Variants in RALYL observed in about 807,000 individuals in gnomAD.
The protein encoded by RALYL is RALY RNA binding protein like, also known as RNA-binding Raly-like protein.
RALYL carries 29 observed loss-of-function variants against 35.1 expected under a neutral mutation model. That is an observed-to-expected ratio of 0.83 (90% CI 0.61 to 1.13). RALYL has a LOEUF of 1.13. RALYL is among the 50% of genes most tolerant of loss of function. RALYL has a pLI of 0.00. For synonymous variants in RALYL, 120 were observed against 127.6 expected, an observed-to-expected ratio of 0.94 and a Z score of 0.40; for missense variants, 359 against 360.4, an observed-to-expected ratio of 1.00 and a Z score of 0.03.
At chr8:84,813,043 G>A (rs1220010675) in intron 4 of RALYL, among the ~76,000 whole-genome samples, 1 of 152,170 alleles carries the variant, frequency 6.6e-6, no homozygotes, top group East Asian at 1.9e-4. Flanking sequence ...TGTGGTGCCA[G>A]GCAGGAATGG....
At chr8:84,444,552 A>T (rs776271028) in intron 1 of RALYL, among the ~76,000 whole-genome samples, 3 of 152,198 alleles carry the variant, frequency 2.0e-5, no homozygotes, top group Non-Finnish European at 4.4e-5. Flanking sequence ...CGCTAGATAC[A>T]TCATTCTAGC....
intron 1 of RALYL, among the ~76,000 whole-genome samples, chr8:84,487,755 A>G (rs2054812942): frequency 6.6e-6 from 1 of 152,082 alleles, no homozygotes; most frequent in African/African-American, 2.4e-5. Context: ...AAATACTTGC[A>G]AACCCCTTCT....
intron 2 of RALYL, among the ~76,000 whole-genome samples, chr8:84,766,938 A>C (rs542950375): frequency 2.0e-5 from 3 of 152,114 alleles, no homozygotes; most frequent in Non-Finnish European, 2.9e-5. Context: ...ACTGAGTGAA[A>C]TTATGACTGC....
intron 1 of RALYL, among the ~76,000 whole-genome samples, chr8:84,325,477 A>G (rs1020449120): frequency 6.6e-6 from 1 of 152,190 alleles, no homozygotes; most frequent in African/African-American, 2.4e-5. Context: ...CCCAGTGGCA[A>G]TGCCAATTCT....
chr8:84,211,610 C>T (rs11992301), intron 1 of RALYL, among the ~76,000 whole-genome samples: 6,909 of 152,114 alleles, frequency 0.045, 493 homozygotes, highest in African/African-American at 0.15. Context: ...TTGAAAATGG[C>T]TGTAAGGTTA....
chr8:84,462,277 T>G (rs2050890895), intron 1 of RALYL, among the ~76,000 whole-genome samples: 1 of 151,704 alleles, frequency 6.6e-6, no homozygotes, highest in Admixed American at 6.6e-5. Context: ...TTGTCCATGT[T>G]TTAATTAGAT....
chr8:84,443,337 C>G (rs1354394914), intron 1 of RALYL, among the ~76,000 whole-genome samples: 3 of 152,048 alleles, frequency 2.0e-5, no homozygotes, highest in African/African-American at 7.2e-5. Context: ...ACCCTAGTTA[C>G]GTAAAAAACT....
intron 1 of RALYL, among the ~76,000 whole-genome samples, chr8:84,333,867 G>A (rs1847279014): frequency 6.6e-6 from 1 of 152,008 alleles, no homozygotes; most frequent in African/African-American, 2.4e-5. Context: ...GGGGCAGCTT[G>A]AAAGAGTCTT....
At chr8:84,841,592 T>C (rs1275515297) in intron 4 of RALYL, among the ~76,000 whole-genome samples, 2 of 152,174 alleles carry the variant, frequency 1.3e-5, no homozygotes, top group Non-Finnish European at 2.9e-5. Context: ...ATCCAGGACC[T>C]GAACTCAGCT....
intron 4 of RALYL, among the ~76,000 whole-genome samples, chr8:84,844,692 C>A (rs1290535651): frequency 6.6e-6 from 1 of 152,008 alleles, no homozygotes; most frequent in Non-Finnish European, 1.5e-5. Context: ...CAGCACTATT[C>A]ACAATGGCAA....
At chr8:84,278,568 G>T (rs762975276) in intron 1 of RALYL, among the ~76,000 whole-genome samples, 1 of 152,062 alleles carries the variant, frequency 6.6e-6, no homozygotes, top group East Asian at 1.9e-4. Context: ...AAAATTCCAT[G>T]CCTTGCTTTC....
At chr8:84,841,108 C>T (rs1833201596) in intron 4 of RALYL, among the ~76,000 whole-genome samples, 1 of 152,152 alleles carries the variant, frequency 6.6e-6, no homozygotes, top group Admixed American at 6.5e-5. Context: ...ATCAAATTCA[C>T]ACATAACAAT....
chr8:84,859,705 T>A (rs989084026), intron 5 of RALYL, among the ~76,000 whole-genome samples: 1 of 151,890 alleles, frequency 6.6e-6, no homozygotes, highest in African/African-American at 2.4e-5. Flanking sequence ...CAAAAAAATT[T>A]ATCCAGGCAC....
At chr8:84,463,716 T>G (rs897368908) in intron 1 of RALYL, among the ~76,000 whole-genome samples, 3 of 152,090 alleles carry the variant, frequency 2.0e-5, no homozygotes, top group Non-Finnish European at 2.9e-5. Flanking sequence ...TTTGAGAGAT[T>G]AACATTGAAA....
chr8:84,563,724 T>C (rs1050499231), intron 2 of RALYL, among the ~76,000 whole-genome samples: 1 of 151,870 alleles, frequency 6.6e-6, no homozygotes, highest in Non-Finnish European at 1.5e-5. Context: ...GTCTCCCTGT[T>C]ATTCACTTTT....
chr8:84,918,262 T>C (rs996154121), intron 8 of RALYL, among the ~76,000 whole-genome samples: 3 of 152,014 alleles, frequency 2.0e-5, no homozygotes, highest in African/African-American at 7.2e-5. Flanking sequence ...GTAAATAAGG[T>C]GGATTTATTC....
intron 1 of RALYL, among the ~76,000 whole-genome samples, chr8:84,396,345 C>G (rs968814426): frequency 6.6e-6 from 1 of 151,974 alleles, no homozygotes; most frequent in Non-Finnish European, 1.5e-5. Context: ...TTATATAGTT[C>G]TTAAAAGATC....
chr8:84,384,887 T>C (rs75427001), intron 1 of RALYL, among the ~76,000 whole-genome samples: 5,011 of 151,878 alleles, frequency 0.033, 129 homozygotes, highest in Middle Eastern at 0.054. Flanking sequence ...AAGAGAGTTC[T>C]AGTTATTTTT....
At chr8:84,209,125 C>CAAAAAAAAAAAAAAAAAAAAAAAAAAA (rs60246316) in intron 1 of RALYL, among the ~76,000 whole-genome samples, 1 of 97,536 alleles carries the variant, frequency 1.0e-5, no homozygotes, top group Non-Finnish European at 2.0e-5. Context: ...ACTCCTCCAC[C>CAAAAAAAAAAAAAAAAAAAAAAAAAAA]AAAAAAAAAA....
Sources: allele counts gnomAD v4.1 joint callset (sites outside exome capture counted in the v4.1 genomes callset), GRCh38; gene constraint gnomAD v4.1.1; transcripts MANE v1.5; gene names NCBI Gene and HGNC (gene_info 2026-07-23, HGNC 2026-07-21).